ZBTB20: variants seen among roughly 807,000 people sequenced by gnomAD.
ZBTB20 encodes the protein zinc finger and BTB domain containing 20, also known as zinc finger and BTB domain-containing protein 20.
In ZBTB20, 9 loss-of-function variants were observed where a neutral mutation model predicts 56.9. The observed-to-expected ratio is 0.16, with a 90% CI of 0.10 to 0.28. The LOEUF is 0.28. Ranked by LOEUF, ZBTB20 falls within the 10% of genes least tolerant of loss-of-function variation. The pLI, the probability that ZBTB20 is intolerant of heterozygous loss-of-function variation, is 1.00. For synonymous variants in ZBTB20, 417 were observed against 420.7 expected (o/e 0.99, Z 0.11); for missense variants, 655 against 1,003.0 (o/e 0.65, Z 4.69).
chr3:114,383,441 A>G (rs1455850618), intron 8 of ZBTB20, among the ~76,000 whole-genome samples: 1 of 152,130 alleles, frequency 6.6e-6, no homozygotes, highest in Non-Finnish European at 1.5e-5. Flanking sequence ...CCTTCCCTAG[A>G]TTCGCTCTTG....
chr3:115,070,959 T>G (rs1035181332), intron 2 of ZBTB20, among the ~76,000 whole-genome samples: 2 of 151,518 alleles, frequency 1.3e-5, no homozygotes, highest in African/African-American at 2.4e-5. Context: ...GTAAATCAAT[T>G]CACCTCACTG....
intron 1 of ZBTB20, among the ~76,000 whole-genome samples, chr3:115,110,751 G>A (rs1231417721): frequency 6.6e-6 from 1 of 152,124 alleles, no homozygotes; most frequent in East Asian, 1.9e-4. Context: ...CACTTTGGGA[G>A]GCCAAGGCAG....
intron 4 of ZBTB20, among the ~76,000 whole-genome samples, chr3:114,865,960 G>A (rs1304220221): frequency 6.6e-6 from 1 of 152,172 alleles, no homozygotes; most frequent in East Asian, 1.9e-4. Context: ...GAACCGTGGA[G>A]TCCAACGCCA....
At chr3:114,410,940 A>G (rs2087886095) in intron 7 of ZBTB20, among the ~76,000 whole-genome samples, 1 of 152,102 alleles carries the variant, frequency 6.6e-6, no homozygotes, top group African/African-American at 2.4e-5. Flanking sequence ...AGGGAAGGGA[A>G]GAAATAAACT....
Position 115,137,874 on chromosome 3 carries a change from G to T in ZBTB20, c.-703+9345C>A, listed in dbSNP as rs72947703. ...CATTCAATAAATGGCTTACCACACA[G>T]ATTGTGCTACATTGCATATCTTTGT... On this transcript the variant is annotated intron_variant, in intron 1 of 11. Coordinates refer to ENST00000675478, the MANE Select transcript of ZBTB20 (RefSeq NM_001348800.3). Among the ~76,000 whole-genome samples, 900 of 152,174 alleles carry T rather than the reference G, an allele frequency of 5.9e-3. 13 individuals carry two copies. The highest frequency in any genetic ancestry group is 0.021 in the African/African-American group (871 of 41,544).
intron 6 of ZBTB20, among the ~76,000 whole-genome samples, chr3:114,639,494 ATT>A (rs56028744): frequency 6.6e-6 from 1 of 150,644 alleles, no homozygotes; most frequent in Non-Finnish European, 1.5e-5. Flanking sequence ...TCTCCTAGAG[ATT>A]TTTTTTTACC....
At chr3:115,083,211 C>T (rs1206464765) in intron 1 of ZBTB20, among the ~76,000 whole-genome samples, 1 of 151,980 alleles carries the variant, frequency 6.6e-6, no homozygotes, top group Non-Finnish European at 1.5e-5. Context: ...TCTTCTTTGC[C>T]TCATCATATG....
At chr3:114,472,343 A>C (rs1262556361) in intron 7 of ZBTB20, among the ~76,000 whole-genome samples, 1 of 152,164 alleles carries the variant, frequency 6.6e-6, no homozygotes, top group Non-Finnish European at 1.5e-5. Flanking sequence ...ATCCAGTCTA[A>C]CCTATCAAGT....
intron 4 of ZBTB20, among the ~76,000 whole-genome samples, chr3:114,811,440 A>G (rs2072505564): frequency 2.0e-5 from 3 of 152,228 alleles, no homozygotes; most frequent in African/African-American, 7.2e-5. Flanking sequence ...GAACGGATTT[A>G]CAAAATAACT....
intron 2 of ZBTB20, among the ~76,000 whole-genome samples, chr3:115,066,386 C>CCAAAT (rs1257840737): frequency 2.6e-5 from 4 of 152,008 alleles, no homozygotes; most frequent in Admixed American, 2.6e-4. Context: ...GATACAGTAC[C>CCAAAT]CAAATCTTAT....
intron 10 of ZBTB20, among the ~76,000 whole-genome samples, chr3:114,362,458 G>A (rs554548681): frequency 3.3e-5 from 5 of 152,234 alleles, no homozygotes; most frequent in South Asian, 4.2e-4. Flanking sequence ...ACCTCAGGGC[G>A]CACATTTACT....
chr3:114,568,930 TGG>T (rs1264804887), intron 6 of ZBTB20, among the ~76,000 whole-genome samples: 1 of 152,182 alleles, frequency 6.6e-6, no homozygotes, highest in African/African-American at 2.4e-5. Context: ...GGTGAGTTCC[TGG>T]GTACTCTGGA....
chr3:114,442,735 T>C (rs527970612), intron 7 of ZBTB20, among the ~76,000 whole-genome samples: 41 of 152,282 alleles, frequency 2.7e-4, no homozygotes, highest in African/African-American at 9.9e-4. Context: ...TTTCGTTTTC[T>C]TGCTATCCAC....
chr3:114,484,214 A>G (rs2109400467), intron 7 of ZBTB20, among the ~76,000 whole-genome samples: 1 of 152,290 alleles, frequency 6.6e-6, no homozygotes, highest in South Asian at 2.1e-4. Flanking sequence ...ATGTGTAAAT[A>G]TGCATCTGCT....
At chr3:114,784,973 A>G (rs74757232) in intron 5 of ZBTB20, among the ~76,000 whole-genome samples, 4,902 of 152,274 alleles carry the variant, frequency 0.032, 133 homozygotes, top group African/African-American at 0.069. Context: ...CTATATTATA[A>G]ACAAGGAAAC....
At chr3:114,753,185 C>T (rs2067695894) in intron 5 of ZBTB20, among the ~76,000 whole-genome samples, 1 of 150,288 alleles carries the variant, frequency 6.7e-6, no homozygotes, top group Admixed American at 6.7e-5. Context: ...ATGGGGAACA[C>T]AGGAGGCAAT....
chr3:114,492,634 T>C (rs537666655), intron 7 of ZBTB20, among the ~76,000 whole-genome samples: 45 of 152,330 alleles, frequency 3.0e-4, no homozygotes, highest in African/African-American at 9.9e-4. Flanking sequence ...GGTTTCCTCA[T>C]ATCCATTTTT....
chr3:115,101,015 T>C (rs1470198326), intron 1 of ZBTB20, among the ~76,000 whole-genome samples: 3 of 152,178 alleles, frequency 2.0e-5, no homozygotes, highest in African/African-American at 7.2e-5. Flanking sequence ...AAAACAGAAT[T>C]AAGCTTAATT....
chr3:114,984,666 A>G, intron 2 of ZBTB20, among the ~76,000 whole-genome samples: 1 of 152,072 alleles, frequency 6.6e-6, no homozygotes, highest in East Asian at 1.9e-4. Flanking sequence ...TCATTGAACA[A>G]CAGTTGATTC....
Sources: allele counts gnomAD v4.1 joint callset (sites outside exome capture counted in the v4.1 genomes callset), GRCh38; gene constraint gnomAD v4.1.1; transcripts MANE v1.5; gene names NCBI Gene and HGNC (gene_info 2026-07-23, HGNC 2026-07-21).